KLF17: variants seen among roughly 807,000 people sequenced by gnomAD.
KLF17 encodes the protein KLF transcription factor 17.
Under a neutral mutation model 34.2 loss-of-function variants are expected in KLF17, and 31 were observed. The observed-to-expected ratio is 0.91, with a 90% CI of 0.68 to 1.22. KLF17 has a LOEUF of 1.22. Ranked by LOEUF, KLF17 falls within the 50% of genes most tolerant of loss-of-function variation. The pLI, the probability that KLF17 is intolerant of heterozygous loss-of-function variation, is 0.00. For synonymous variants in KLF17, 179 were observed against 186.7 expected (o/e 0.96, Z 0.34); for missense variants, 478 against 505.2 (o/e 0.95, Z 0.52).
the KLF17 span, chr1:44,088,408 C>G: frequency 6.6e-6 from 1 of 152,556 alleles, no homozygotes; most frequent in Admixed American, 6.5e-5. Context: ...AGCCACAGCA[C>G]CCAGCCTGCT....
At chr1:44,059,518 A>G in the KLF17 span, among the ~76,000 whole-genome samples, 1 of 152,142 alleles carries the variant, frequency 6.6e-6, no homozygotes, top group Admixed American at 6.5e-5. Flanking sequence ...GCACAGTTCT[A>G]CCTTCTGGCC....
rs1406149445 is a variant in KLF17 at position 44,118,881 on chromosome 1, A to G, written c.-27A>G. 7.0e-6 allele frequency: 11 copies of G among 1,582,424 alleles called. No homozygotes were observed. Among genetic ancestry groups the G allele is most frequent in the East Asian group, 2.3e-5 (1 of 43,184 alleles). ...GTGGCTGGTTCCCTGTCTCTTCAGT[A>G]GAGAGTCTAGACCCCACCCAGTCTT... On this transcript the variant is annotated 5_prime_UTR_variant, in exon 1 of 4. Coordinates refer to ENST00000372299, the MANE Select transcript of KLF17 (RefSeq NM_173484.4).
the KLF17 span, among the ~76,000 whole-genome samples, chr1:44,061,775 A>G: frequency 1.2e-4 from 19 of 152,116 alleles, no homozygotes; most frequent in African/African-American, 4.6e-4. Context: ...AAAATTAGCC[A>G]GGTGTGGTGG....
chr1:44,104,429 C>G, the KLF17 span: 5 of 863,202 alleles, frequency 5.8e-6, no homozygotes, highest in African/African-American at 1.7e-5. Flanking sequence ...GAATCTTGTT[C>G]TGCTGCCCCA....
At chr1:44,046,539 T>G in the KLF17 span, among the ~76,000 whole-genome samples, 1 of 25,312 alleles carries the variant, frequency 4.0e-5, no homozygotes, top group African/African-American at 9.0e-5. Flanking sequence ...ACACACACAC[T>G]CACACACACA....
the KLF17 span, among the ~76,000 whole-genome samples, chr1:44,100,290 A>C: frequency 2.0e-5 from 3 of 151,676 alleles, no homozygotes; most frequent in African/African-American, 7.3e-5. Flanking sequence ...GAGAGAAAGA[A>C]ATGACACTGG....
the KLF17 span, among the ~76,000 whole-genome samples, chr1:44,097,304 C>T: frequency 6.6e-6 from 1 of 152,126 alleles, no homozygotes; most frequent in Admixed American, 6.6e-5. Flanking sequence ...AGTGTGATGC[C>T]TCCAGCTTTG....
intron 1 of KLF17, among the ~76,000 whole-genome samples, chr1:44,121,485 C>T (rs910437949): frequency 3.9e-5 from 6 of 152,170 alleles, no homozygotes; most frequent in South Asian, 2.1e-4. Flanking sequence ...AAATGTACTT[C>T]GTAGCTGGTA....
chr1:44,062,850 A>G, the KLF17 span, among the ~76,000 whole-genome samples: 1 of 152,240 alleles, frequency 6.6e-6, no homozygotes, highest in Non-Finnish European at 1.5e-5. Context: ...AAAGCTAAAC[A>G]TGCATACACT....
At chr1:44,060,246 G>A in the KLF17 span, among the ~76,000 whole-genome samples, 3 of 152,250 alleles carry the variant, frequency 2.0e-5, no homozygotes, top group East Asian at 5.8e-4. Flanking sequence ...AAGCCAGGGG[G>A]ATCACTTGAG....
At chr1:44,062,188 G>A in the KLF17 span, among the ~76,000 whole-genome samples, 1 of 152,208 alleles carries the variant, frequency 6.6e-6, no homozygotes, top group Admixed American at 6.5e-5. Context: ...TGCTTTCCAA[G>A]CACTTGATGT....
chr1:44,063,634 A>T, the KLF17 span, among the ~76,000 whole-genome samples: 1 of 152,122 alleles, frequency 6.6e-6, no homozygotes, highest in African/African-American at 2.4e-5. Flanking sequence ...ATATATTCTG[A>T]CTCTGCTTAT....
At chr1:44,094,804 C>G in the KLF17 span, among the ~76,000 whole-genome samples, 3 of 152,028 alleles carry the variant, frequency 2.0e-5, no homozygotes, top group African/African-American at 7.2e-5. Context: ...TCTTTTTGCT[C>G]AGGATGGCTT....
At chr1:44,102,044 C>A in the KLF17 span, among the ~76,000 whole-genome samples, 1 of 111,584 alleles carries the variant, frequency 9.0e-6, no homozygotes, top group Non-Finnish European at 2.0e-5. Flanking sequence ...GACCCTGTCT[C>A]AAAAACAAAC....
At chr1:44,091,054 G>A in the KLF17 span, among the ~76,000 whole-genome samples, 2 of 151,944 alleles carry the variant, frequency 1.3e-5, no homozygotes, top group Non-Finnish European at 2.9e-5. Flanking sequence ...GTACCCTAAA[G>A]AGCTTTTGTA....
chr1:44,125,421 G>A (rs920299459), intron 1 of KLF17, among the ~76,000 whole-genome samples: 2 of 152,146 alleles, frequency 1.3e-5, no homozygotes, highest in Admixed American at 6.5e-5. Context: ...CCCTATAAGC[G>A]ATGAGTCACT....
chr1:44,115,570 AAT>A (rs373216540), upstream of KLF17: 84 of 152,268 alleles, frequency 5.5e-4, no homozygotes, highest in African/African-American at 1.9e-3. Flanking sequence ...TTGTACATGA[AAT>A]ATGTTACTGA....
chr1:44,127,692 T>TTCTTTTTC lies in KLF17; in HGVS notation c.82-1660_82-1659insCTTTTTCT, dbSNP rs753421834. ...TTTCTTTCTTTCTTTCTTTCTTTCTTTTTCTTTCTTTCTTTCTTTCTTCTC... is the reference window on the plus strand; with the variant it reads ...TTTCTTTCTTTCTTTCTTTCTTTCTTTCTTTTTCTTTCTTTCTTTCTTTCTTTCTTCTC... On this transcript the variant is annotated intron_variant, in intron 1 of 3. Transcript: ENST00000372299. Among the ~76,000 whole-genome samples the TTCTTTTTC allele has an allele frequency of 6.9e-3, 617 of 89,994 alleles. 10 individuals are homozygous for TTCTTTTTC. The highest frequency in any genetic ancestry group is 0.024 in the African/African-American group (441 of 18,030). 59.0% of individuals were successfully genotyped at this position (89,994 alleles called of 152,430 possible). A position where few individuals can be genotyped will look rare whatever the true frequency, so the allele number is the denominator to read the frequency against.
intron 1 of KLF17, among the ~76,000 whole-genome samples, chr1:44,125,630 G>A (rs983528559): frequency 6.6e-6 from 1 of 152,080 alleles, no homozygotes; most frequent in Non-Finnish European, 1.5e-5. Context: ...ACCACACCTG[G>A]CTAATTTTTG....
Sources: gnomAD v4.1 joint callset for allele counts (sites outside exome capture counted in the v4.1 genomes callset) on GRCh38, gnomAD v4.1.1 for gene constraint, MANE v1.5 for transcripts, NCBI Gene and HGNC (gene_info 2026-07-23, HGNC 2026-07-21) for gene names.